The following RANBP2 variants were observed in gnomAD, a reference collection of about 807,000 sequenced individuals.
RANBP2 encodes the protein RAN binding protein 2.
RANBP2 carries 57 observed loss-of-function variants against 303.6 expected under a neutral mutation model. The observed-to-expected ratio is 0.19, with a 90% CI of 0.15 to 0.23. The LOEUF is 0.23. Ranked by LOEUF, RANBP2 falls within the 10% of genes least tolerant of loss-of-function variation. The pLI is 1.00. For synonymous variants in RANBP2, 1,167 were observed against 1,301.5 expected (o/e 0.90, Z 2.23); for missense variants, 3,138 against 3,780.8 (o/e 0.83, Z 4.46).
chr2:109,347,161 T>G, the RANBP2 span, among the ~76,000 whole-genome samples: 1 of 152,336 alleles, frequency 6.6e-6, no homozygotes, highest in South Asian at 2.1e-4. Flanking sequence ...AAAAAATGGT[T>G]GGATACTTGC....
chr2:109,316,374 A>G, the RANBP2 span, among the ~76,000 whole-genome samples: 47,322 of 151,920 alleles, frequency 0.31, 9,129 homozygotes, highest in African/African-American at 0.55. Flanking sequence ...CTCCTGGAGA[A>G]GCCCTGGTGC....
the RANBP2 span, among the ~76,000 whole-genome samples, chr2:109,413,272 G>A: frequency 6.6e-6 from 1 of 152,110 alleles, no homozygotes; most frequent in Non-Finnish European, 1.5e-5. Flanking sequence ...TTGCCACAAT[G>A]CCCAGCTAAT....
the RANBP2 span, among the ~76,000 whole-genome samples, chr2:109,714,839 A>T: frequency 6.6e-6 from 1 of 151,372 alleles, no homozygotes; most frequent in Non-Finnish European, 1.5e-5. Flanking sequence ...CAAACTCCTG[A>T]CCTCAGGTGA....
the RANBP2 span, among the ~76,000 whole-genome samples, chr2:109,726,475 T>C: frequency 1.3e-5 from 2 of 151,948 alleles, no homozygotes; most frequent in African/African-American, 2.4e-5. Context: ...GAGGTGATGA[T>C]GCCCCCTCCA....
At chr2:108,963,802 G>A in the RANBP2 span, among the ~76,000 whole-genome samples, 2 of 152,230 alleles carry the variant, frequency 1.3e-5, no homozygotes, top group Non-Finnish European at 2.9e-5. Flanking sequence ...TCCATCTGTA[G>A]ACTCTGCCTT....
At chr2:109,152,262 G>A in the RANBP2 span, among the ~76,000 whole-genome samples, 1 of 152,192 alleles carries the variant, frequency 6.6e-6, no homozygotes, top group African/African-American at 2.4e-5. Context: ...CTATAATCAC[G>A]GGAGGTGGGC....
chr2:109,078,094 A>ATATATATATATATATAGCG, the RANBP2 span, among the ~76,000 whole-genome samples: 6 of 9,694 alleles, frequency 6.2e-4, no homozygotes, highest in African/African-American at 1.1e-3. Context: ...ATATATATAT[A>ATATATATATATATATAGCG]TATATATATA....
chr2:109,647,986 A>C, the RANBP2 span, among the ~76,000 whole-genome samples: 1 of 152,164 alleles, frequency 6.6e-6, no homozygotes, highest in Non-Finnish European at 1.5e-5. Flanking sequence ...TGAGCTGCTT[A>C]AGTATGTTGG....
At chr2:109,601,725 TTAAATA>T in the RANBP2 span, among the ~76,000 whole-genome samples, 2 of 151,960 alleles carry the variant, frequency 1.3e-5, no homozygotes. Context: ...GGCTTCTTCC[TTAAATA>T]TAAAGCTCAA....
the RANBP2 span, among the ~76,000 whole-genome samples, chr2:109,376,586 C>T: frequency 6.6e-6 from 1 of 152,248 alleles, no homozygotes; most frequent in African/African-American, 2.4e-5. Context: ...AGCTCTGCCT[C>T]CACATTGACA....
At chr2:109,193,716 T>A in the RANBP2 span, among the ~76,000 whole-genome samples, 8 of 152,206 alleles carry the variant, frequency 5.3e-5, no homozygotes, top group African/African-American at 1.9e-4. Flanking sequence ...GTATGTAGTA[T>A]ACATTCTGAC....
chr2:108,787,034 C>G (rs574326096), downstream of RANBP2: 33 of 540,586 alleles, frequency 6.1e-5, no homozygotes, highest in East Asian at 1.2e-3. Context: ...CCGGCACTCC[C>G]GCCGTGGCTG....
At chr2:109,228,175 T>A in the RANBP2 span, among the ~76,000 whole-genome samples, 44 of 152,210 alleles carry the variant, frequency 2.9e-4, no homozygotes, top group African/African-American at 8.9e-4. Context: ...AACATGGTGC[T>A]ACTTGCTTAT....
At chr2:109,231,441 G>C in the RANBP2 span, among the ~76,000 whole-genome samples, 10 of 152,178 alleles carry the variant, frequency 6.6e-5, no homozygotes, top group Non-Finnish European at 1.5e-4. Context: ...TGCTTTTCTC[G>C]TGCAGACCAA....
the RANBP2 span, among the ~76,000 whole-genome samples, chr2:109,415,395 C>T: frequency 6.6e-6 from 1 of 152,180 alleles, no homozygotes; most frequent in Non-Finnish European, 1.5e-5. Context: ...AGCATTGTTC[C>T]AGGGGGAGTG....
At chr2:109,226,201 T>A in the RANBP2 span, among the ~76,000 whole-genome samples, 1 of 152,250 alleles carries the variant, frequency 6.6e-6, no homozygotes, top group Non-Finnish European at 1.5e-5. Context: ...CAGCTCTGCT[T>A]GTCAACATCT....
At chr2:108,879,568 C>G in the RANBP2 span, among the ~76,000 whole-genome samples, 1 of 152,094 alleles carries the variant, frequency 6.6e-6, no homozygotes, top group Non-Finnish European at 1.5e-5. Flanking sequence ...AACATACATT[C>G]CAGAAATACA....
At chr2:109,398,872 A>C in the RANBP2 span, 2 of 1,613,830 alleles carry the variant, frequency 1.2e-6, no homozygotes, top group Non-Finnish European at 1.7e-6. Context: ...AGTGTTGATC[A>C]GCTCCAGCGA....
chr2:109,445,502 T>C, the RANBP2 span, among the ~76,000 whole-genome samples: 1 of 152,202 alleles, frequency 6.6e-6, no homozygotes, highest in East Asian at 1.9e-4. Flanking sequence ...TACACACTAT[T>C]TCAAAAATAT....
Sources: gnomAD v4.1 joint callset for allele counts (sites outside exome capture counted in the v4.1 genomes callset) on GRCh38, gnomAD v4.1.1 for gene constraint, MANE v1.5 for transcripts, NCBI Gene and HGNC (gene_info 2026-07-23, HGNC 2026-07-21) for gene names.